Variants in NEDD9 observed in about 807,000 individuals in gnomAD.
The protein encoded by NEDD9 is enhancer of filamentation 1.
A neutral mutation model predicts 76.6 loss-of-function variants in NEDD9; 26 were observed. That is an observed-to-expected ratio of 0.34 (90% confidence interval 0.25 to 0.47). The LOEUF is 0.47. Ranked by LOEUF, NEDD9 falls within the 20% of genes least tolerant of loss-of-function variation. The probability of loss-of-function intolerance (pLI) is 1.00; values close to 1 mark genes in which losing one functional copy is unlikely to be tolerated. For synonymous variants in NEDD9, 392 were observed against 414.2 expected, an observed-to-expected ratio of 0.95 and a Z score of 0.65; for missense variants, 937 against 1,058.5, an observed-to-expected ratio of 0.89 and a Z score of 1.59.
intron 1 of NEDD9, among the ~76,000 whole-genome samples, chr6:11,378,400 A>G (rs910080124): frequency 4.6e-5 from 7 of 152,118 alleles, no homozygotes; most frequent in African/African-American, 1.7e-4. Context: ...CTTCCTATAC[A>G]GCCTGCAGAA....
intron 1 of NEDD9, among the ~76,000 whole-genome samples, chr6:11,228,684 T>C (rs1759381478): frequency 6.6e-6 from 1 of 152,188 alleles, no homozygotes; most frequent in Non-Finnish European, 1.5e-5. Flanking sequence ...TGTTACGCAC[T>C]GTACAACTTG....
chr6:11,213,452 G>T lies in NEDD9; in HGVS notation c.288C>A (p.Asn96Lys). The change falls in exon 2 of 7, where the codon AAC becomes AAA. Residue 96 changes from asparagine (N) to lysine (K), a missense_variant. Coordinates refer to ENST00000379446, the MANE Select transcript of NEDD9 (RefSeq NM_006403.4). The surrounding 1 kb of genome is among the most constrained non-coding windows in gnomAD (Gnocchi z 5.4). Reference protein sequence around the residue: ...FGQQKLYQVPNPQAAPRDTIY... With the variant: ...FGQQKLYQVPKPQAAPRDTIY... ...TGGTGTCTCGGGGAGCAGCCTGTGG[G>T]TTTGGCACTTGATAGAGCTTCTGTT... is the stretch of plus-strand genomic sequence containing the variant. 6.2e-7 allele frequency: 1 copy of T among 1,614,108 alleles called. No individual in the cohort carries two copies. Among genetic ancestry groups the T allele is most frequent in the African/African-American group, 1.3e-5 (1 of 75,022 alleles).
rs192656007 is a variant in NEDD9 at position 11,344,635 on chromosome 6, A to G, written c.-213-10074T>C. ...CTGATCTCTACTGCACCTAGATGGC[A>G]TAGCACATGCTTTAGCATGTGACTA... On this transcript the variant is annotated intron_variant, in intron 1 of 3. Transcript: ENST00000397378. Among the ~76,000 whole-genome samples, 991 of 152,322 alleles carry G rather than the reference A, an allele frequency of 6.5e-3. 10 individuals are homozygous for G. Among genetic ancestry groups the G allele is most frequent in the Admixed American group, 0.032 (484 of 15,294 alleles).
chr6:11,305,904 A>T, intron 3 of NEDD9: 1 of 1,464,474 alleles, frequency 6.8e-7, no homozygotes, highest in Non-Finnish European at 9.6e-7. Flanking sequence ...AAAAAACATG[A>T]TTTGTATTAT....
At chr6:11,356,522 C>T (rs55952617) in intron 1 of NEDD9, among the ~76,000 whole-genome samples, 5,897 of 152,188 alleles carry the variant, frequency 0.039, 404 homozygotes, top group African/African-American at 0.14. Flanking sequence ...TTAAATTTTC[C>T]GTGCATCAGG....
chr6:11,275,315 G>A (rs1167559829), intron 3 of NEDD9, among the ~76,000 whole-genome samples: 1 of 152,146 alleles, frequency 6.6e-6, no homozygotes. Flanking sequence ...GGAGGAGTAA[G>A]TTCAGAGAAT....
chr6:11,360,646 C>G (rs1431090472), intron 1 of NEDD9, among the ~76,000 whole-genome samples: 5 of 152,186 alleles, frequency 3.3e-5, no homozygotes, highest in Non-Finnish European at 7.3e-5. Context: ...CTTTCACCTT[C>G]TGCTATGATT....
At chr6:11,214,286 T>C in intron 1 of NEDD9, 1 of 486,548 alleles carries the variant, frequency 2.1e-6, no homozygotes, top group Admixed American at 2.3e-5. Context: ...GACAGGAGCC[T>C]TGGATCCAGA....
intron 3 of NEDD9, among the ~76,000 whole-genome samples, chr6:11,247,680 T>C (rs1359748277): frequency 6.6e-6 from 1 of 152,224 alleles, no homozygotes; most frequent in Non-Finnish European, 1.5e-5. Flanking sequence ...ACTTCATGCA[T>C]TTTTATTTTC....
intron 3 of NEDD9, among the ~76,000 whole-genome samples, chr6:11,292,891 T>C (rs2113379341): frequency 6.6e-6 from 1 of 152,290 alleles, no homozygotes; most frequent in African/African-American, 2.4e-5. Context: ...AGCAGAGGGC[T>C]TCATGATTTT....
At position 11,301,720 on chromosome 6, in the gene NEDD9, A is replaced by C. The variant is rs144002219; in HGVS notation, c.12+4272T>G. 4.1e-3 allele frequency among the ~76,000 whole-genome samples: 624 copies of C among 152,284 alleles called. 6 individuals carry two copies. The East Asian group carries it at 0.053, about 13-fold the overall frequency. On this transcript the variant is annotated intron_variant, in intron 3 of 3. Coordinates refer to the NEDD9 transcript ENST00000397378. ...CTCAGGATTAATAAACCCACTCAAA[A>C]CCACACAACTACATGGAAACTGAAC...
chr6:11,368,955 T>C (rs1762813818), intron 1 of NEDD9, among the ~76,000 whole-genome samples: 2 of 152,192 alleles, frequency 1.3e-5, no homozygotes, highest in Admixed American at 6.5e-5. Context: ...AAATCATCCA[T>C]TGACTCATAA....
chr6:11,235,568 G>C (rs573269079), upstream of NEDD9, among the ~76,000 whole-genome samples: 1 of 152,320 alleles, frequency 6.6e-6, no homozygotes, highest in East Asian at 1.9e-4. This position sits in a 1 kb window ranked among gnomAD's most constrained non-coding sequence, Gnocchi z 4.1. Context: ...GAAAAATTAA[G>C]CAGGGAAAAT....
intron 2 of NEDD9, among the ~76,000 whole-genome samples, chr6:11,208,762 T>C (rs973378896): frequency 1.3e-5 from 2 of 152,212 alleles, no homozygotes; most frequent in African/African-American, 4.8e-5. Flanking sequence ...GAAGCACATA[T>C]AATTTCCCAT....
chr6:11,212,069 A>G (rs1314977416), intron 2 of NEDD9, among the ~76,000 whole-genome samples: 2 of 152,236 alleles, frequency 1.3e-5, no homozygotes, highest in Non-Finnish European at 2.9e-5. Flanking sequence ...TACATCAAAT[A>G]GATATTCCCT....
At chr6:11,323,066 A>T (rs1761846198) in intron 2 of NEDD9, among the ~76,000 whole-genome samples, 1 of 152,236 alleles carries the variant, frequency 6.6e-6, no homozygotes, top group African/African-American at 2.4e-5. Context: ...ATTAAAAGAG[A>T]CAAAACATAT....
intron 3 of NEDD9, chr6:11,271,920 A>C (rs1445840828): frequency 6.6e-6 from 1 of 152,262 alleles, no homozygotes; most frequent in African/African-American, 2.4e-5. Flanking sequence ...TGCTATGTAA[A>C]CTAGGCTCAT....
At chr6:11,284,695 A>G (rs1357695762) in intron 3 of NEDD9, among the ~76,000 whole-genome samples, 1 of 151,466 alleles carries the variant, frequency 6.6e-6, no homozygotes, top group African/African-American at 2.4e-5. Flanking sequence ...ACATAAGCCA[A>G]TAATATCTAC....
chr6:11,264,747 G>A (rs1222994730), intron 3 of NEDD9, among the ~76,000 whole-genome samples: 3 of 152,212 alleles, frequency 2.0e-5, no homozygotes, highest in African/African-American at 4.8e-5. Context: ...GAGAAGAAAA[G>A]AGGTTGAAAA....
Sources: allele counts gnomAD v4.1 joint callset (sites outside exome capture counted in the v4.1 genomes callset), GRCh38; gene constraint gnomAD v4.1.1; non-coding constraint Gnocchi (gnomAD v3.1); transcripts MANE v1.5; gene names NCBI Gene and HGNC (gene_info 2026-07-23, HGNC 2026-07-21).